Variants in SF1 observed in about 807,000 individuals in gnomAD.
SF1 encodes branch point-binding protein.
Under a neutral mutation model 62.5 loss-of-function variants are expected in SF1, and 7 were observed. That is an observed-to-expected ratio of 0.11 (90% CI 0.06 to 0.21). The LOEUF (loss-of-function observed/expected upper bound fraction) is 0.21, where lower values mean the gene tolerates loss of function less well. Among genes scored for constraint, SF1 ranks in the 10% least tolerant of loss-of-function variants. The probability of loss-of-function intolerance (pLI) is 1.00; values close to 1 mark genes in which losing one functional copy is unlikely to be tolerated. For missense variants in SF1, 578 were observed against 884.0 expected (o/e 0.65, Z 4.39); for synonymous variants, 394 against 323.6 (o/e 1.22, Z -2.33).
rs918580336 is a variant in SF1, at chr11:64,768,433, GCT to G, written c.888-149_888-148del. On this transcript the variant is annotated intron_variant, in intron 8 of 12. Transcript: ENST00000377390. ...TCTTTCTAACCCCTTACTGGGCATG[GCT>G]CTCAACAGTCTCATCAGATCTTCAG... The G allele has an allele frequency of 8.3e-6, 6 of 722,518 alleles. No homozygotes were observed. The African/African-American group carries it at 1.1e-4, about 13-fold the overall frequency. 44.8% of individuals were successfully genotyped at this position (722,518 alleles called of 1,614,324 possible). A position where few individuals can be genotyped will look rare whatever the true frequency, so the allele number is the denominator to read the frequency against.
At chr11:64,776,344 C>G in intron 2 of SF1, 154 bp downstream of exon 2, 1 of 764,580 alleles carries the variant, frequency 1.3e-6, no homozygotes, top group East Asian at 2.8e-5. Context: ...ATGCAGAACT[C>G]ACTGGGCAAA....
Position 64,765,359 on chromosome 11 carries a change from G to T in SF1, c.*459C>A. On this transcript the variant is annotated 3_prime_UTR_variant, in exon 13 of 13. Coordinates refer to ENST00000377390, the MANE Select transcript of SF1 (RefSeq NM_004630.4). Reference sequence around the variant, plus strand: ...ATAAAAATTTCACGATATGGAGCCAGCGTGTTCCGATTCCGTCCACAAAAA... The same window carrying T: ...ATAAAAATTTCACGATATGGAGCCATCGTGTTCCGATTCCGTCCACAAAAA... 1 of 854,068 alleles carries T rather than the reference G, an allele frequency of 1.2e-6. No homozygotes were observed. Among genetic ancestry groups the T allele is most frequent in the Non-Finnish European group, 2.0e-6 (1 of 507,150 alleles). 52.9% of individuals were successfully genotyped at this position (854,068 alleles called of 1,614,324 possible).
chr11:64,765,528 C>G lies in SF1; in HGVS notation c.*290G>C. ...GCCGCGGGGAGGGATCCTGGCGGCC[C>G]GGTTTGGGGAGAGGCAAAGGGAGTT... On this transcript the variant is annotated 3_prime_UTR_variant, in exon 13 of 13. Coordinates refer to ENST00000377390, the MANE Select transcript of SF1 (RefSeq NM_004630.4). The G allele has an allele frequency of 6.2e-7, 1 of 1,603,838 alleles. No homozygotes were observed. The highest frequency in any genetic ancestry group is 1.7e-5 in the Admixed American group (1 of 58,228).
chr11:64,773,752 T>C (rs1351288080), intron 2 of SF1, among the ~76,000 whole-genome samples: 3 of 152,166 alleles, frequency 2.0e-5, no homozygotes, highest in East Asian at 1.9e-4. Flanking sequence ...GAAGAGGGGT[T>C]AGCAATAAAG....
intron 12 of SF1, 50 bp downstream of exon 12, chr11:64,766,850 G>GCCCCCC: frequency 1.3e-6 from 1 of 744,976 alleles, no homozygotes. Flanking sequence ...GTTCCTGTCA[G>GCCCCCC]CCCCACCCCC....
rs1321696467 is a variant in SF1 at position 64,778,373 on chromosome 11, GCGTTCGCTC to G, written c.11_19del (p.Gly4_Asn6del). ...GGGGCCCAGCTTACCCAACGGCGTG[GCGTTCGCTC>G]CGGTCGCCATGGCGCCCCCGGGGAC... On this transcript the variant is annotated inframe_deletion, in exon 1 of 13. Coordinates refer to ENST00000377390, the MANE Select transcript of SF1 (RefSeq NM_004630.4). 1.6e-6 allele frequency: 2 copies of G among 1,228,318 alleles called. No individual in the cohort carries two copies. Among genetic ancestry groups the G allele is most frequent in the East Asian group, 6.4e-5 (2 of 31,276 alleles). 76.1% of individuals were successfully genotyped at this position (1,228,318 alleles called of 1,614,324 possible).
chr11:64,773,975 A>G (rs1177512258), intron 2 of SF1, among the ~76,000 whole-genome samples: 1 of 152,240 alleles, frequency 6.6e-6, no homozygotes, highest in Admixed American at 6.5e-5. Context: ...AACATGGGAC[A>G]AGGAAAAATA....
intron 1 of SF1, chr11:64,777,759 T>A (rs889248559): frequency 1.8e-5 from 18 of 985,426 alleles, no homozygotes; most frequent in Non-Finnish European, 2.2e-5. Flanking sequence ...CCTCACTGCG[T>A]CTGCGCACAG....
intron 4 of SF1, 95 bp downstream of exon 4, chr11:64,770,161 G>C: frequency 1.9e-6 from 3 of 1,555,892 alleles, no homozygotes; most frequent in Non-Finnish European, 2.7e-6. Flanking sequence ...GTGACTTGAG[G>C]CAAGAGGTGA....
At position 64,772,550 on chromosome 11, in the gene SF1, ACAAAAAC is replaced by A. The variant is rs778790615; in HGVS notation, c.236+873_236+879del. The A allele has an allele frequency of 1.4e-4, 134 of 985,410 alleles. No individual in the cohort carries two copies. In the Middle Eastern group the frequency reaches 1.6e-3, roughly 12 times the overall value. The allele number at this position is 985,410 out of a possible 1,614,324, so 61.0% of individuals were successfully genotyped here. ...GATTTAATAAGCTATTAACTGGGTA[ACAAAAAC>A]CAAAAACACTACTTTTTAAAGCAAA... On this transcript the variant is annotated intron_variant, in intron 3 of 12. Transcript: ENST00000377390.
At chr11:64,767,436 G>T in intron 10 of SF1, 135 bp downstream of exon 10, 1 of 1,104,380 alleles carries the variant, frequency 9.1e-7, no homozygotes, top group Non-Finnish European at 1.3e-6. Context: ...TCCTTCCAGA[G>T]CCACAACCCT....
intron 12 of SF1, chr11:64,766,432 T>A: frequency 1.9e-6 from 1 of 525,468 alleles, no homozygotes. Flanking sequence ...AGAACAGCTC[T>A]GATGTCCCTC....
Position 64,767,795 on chromosome 11 carries a change from G to A in SF1, c.1118C>T (p.Pro373Leu). ...GCCGTGGTAGGGCCGACTCTCTGAA[G>A]GGCCAGAATTCATCCAGGGTGGGCG... is the stretch of plus-strand genomic sequence containing the variant. ...QSRPPWMNSG[P>L]SESRPYHGMH... The change falls in exon 10 of 13, where the codon CCT becomes CTT. Residue 373 changes from proline (P) to leucine (L), a missense_variant. By Grantham distance (98) the Pro-to-Leu change is moderately conservative. This residue lies in a region of SF1 where 410 missense variants were observed against 452.4 expected (regional missense o/e 0.91). Coordinates refer to ENST00000377390, the MANE Select transcript of SF1 (RefSeq NM_004630.4). 2 of 1,613,870 alleles carry A rather than the reference G, an allele frequency of 1.2e-6. No homozygotes were observed. The highest frequency in any genetic ancestry group is 1.7e-6 in the Non-Finnish European group (2 of 1,179,866).
chr11:64,766,535 A>T, intron 12 of SF1: 1 of 412,022 alleles, frequency 2.4e-6, no homozygotes, highest in Non-Finnish European at 4.4e-6. Flanking sequence ...GCAGTCTCTC[A>T]CCCCAATCGC....
intron 10 of SF1, 120 bp from the exon 11 acceptor site, chr11:64,767,371 C>T: frequency 3.6e-6 from 4 of 1,122,298 alleles, no homozygotes; most frequent in South Asian, 1.3e-5. Flanking sequence ...CTGTAAAAGG[C>T]AGGTCTGTGC....
Position 64,769,257 on chromosome 11 carries a change from G to A in SF1, c.745C>T (p.Arg249Cys). 6.2e-7 allele frequency: 1 copy of A among 1,614,144 alleles called. No individual in the cohort carries two copies. The highest frequency in any genetic ancestry group is 8.5e-7 in the Non-Finnish European group (1 of 1,180,038). ...LRKMQLRELA[R>C]LNGTLREDDN... ...TCTTCCCGAAGGGTCCCATTTAAGCGAGCCAACTCCCGAAGCTGCATCTTC... is the reference window on the plus strand; with the variant it reads ...TCTTCCCGAAGGGTCCCATTTAAGCAAGCCAACTCCCGAAGCTGCATCTTC... Residue 249 changes from arginine to cysteine, a missense_variant, in exon 7 of 13, where the codon CGC becomes TGC. Arg to Cys is a radical substitution (Grantham distance 180). Transcript: ENST00000377390.
intron 2 of SF1, among the ~76,000 whole-genome samples, 177 bp from the exon 3 acceptor site, chr11:64,773,682 C>A (rs1023424557): frequency 4.6e-5 from 7 of 152,174 alleles, no homozygotes; most frequent in Non-Finnish European, 7.3e-5. Flanking sequence ...AGTCCTTTTA[C>A]ATCTATAGGT....
chr11:64,778,464 G>A lies in SF1; in HGVS notation c.-72C>T, dbSNP rs1001724192. On this transcript the variant is annotated 5_prime_UTR_variant, in exon 1 of 13. Coordinates refer to ENST00000377390, the MANE Select transcript of SF1 (RefSeq NM_004630.4). ...GCTTCTCCTTCGCAAGCCTCCCGGG[G>A]GGAGGGGACCCGAATGCGCTGCCGG... 1.2e-5 allele frequency: 15 copies of A among 1,212,828 alleles called. No individual in the cohort carries two copies. The highest frequency in any genetic ancestry group is 1.5e-5 in the Non-Finnish European group (15 of 974,700). 75.1% of individuals were successfully genotyped at this position (1,212,828 alleles called of 1,614,324 possible). A position where few individuals can be genotyped will look rare whatever the true frequency, so the allele number is the denominator to read the frequency against.
chr11:64,769,723 T>C, intron 5 of SF1, 114 bp from the exon 6 acceptor site: 1 of 1,000,756 alleles, frequency 1.0e-6, no homozygotes, highest in Non-Finnish European at 1.5e-6. Context: ...AATTGGATTT[T>C]CCCACCAAGA....
Sources: gnomAD v4.1 joint callset for allele counts (sites outside exome capture counted in the v4.1 genomes callset) on GRCh38, gnomAD v4.1.1 for gene constraint, gnomAD v4.1.1 regional missense constraint, MANE v1.5 for transcripts, NCBI Gene and HGNC (gene_info 2026-07-23, HGNC 2026-07-21) for gene names.